The following TOP6BL variants were observed in gnomAD, a reference collection of about 807,000 sequenced individuals.
The protein encoded by TOP6BL is type 2 DNA topoisomerase 6 subunit B-like.
At chr11:66,843,060 C>T in the TOP6BL span, 5 of 1,568,592 alleles carry the variant, frequency 3.2e-6, no homozygotes, top group Non-Finnish European at 8.6e-7. Context: ...GCCTCGGAAG[C>T]CGCCTGGAGG....
At chr11:66,834,434 G>T in the TOP6BL span, among the ~76,000 whole-genome samples, 1 of 152,148 alleles carries the variant, frequency 6.6e-6, no homozygotes. Flanking sequence ...TACAAGAGTG[G>T]CACCCAGTGG....
the TOP6BL span, chr11:66,842,702 G>C: frequency 1.3e-6 from 1 of 780,268 alleles, no homozygotes; most frequent in Admixed American, 3.0e-5. Context: ...GCCCACAGCT[G>C]CAGGGTTTTG....
chr11:66,821,431 G>C, the TOP6BL span, among the ~76,000 whole-genome samples: 1 of 152,084 alleles, frequency 6.6e-6, no homozygotes, highest in African/African-American at 2.4e-5. Flanking sequence ...GGGACTACAG[G>C]TGCCCGCCAC....
chr11:66,824,420 T>TTTATTATTATTA, the TOP6BL span, among the ~76,000 whole-genome samples: 1 of 140,760 alleles, frequency 7.1e-6, no homozygotes, highest in African/African-American at 2.6e-5. Flanking sequence ...TAATTTTGTA[T>TTTATTATTATTA]TTATTATTAT....
the TOP6BL span, among the ~76,000 whole-genome samples, chr11:66,757,903 A>G: frequency 1.1e-4 from 16 of 152,160 alleles, no homozygotes; most frequent in Non-Finnish European, 2.4e-4. Context: ...TAAATTTCTA[A>G]TTTAATTTAG....
At chr11:66,812,584 GC>G in the TOP6BL span, among the ~76,000 whole-genome samples, 5 of 152,104 alleles carry the variant, frequency 3.3e-5, no homozygotes, top group East Asian at 9.6e-4. Context: ...TGGGTATAAA[GC>G]CTTTCCATAA....
chr11:66,836,847 T>C, the TOP6BL span, among the ~76,000 whole-genome samples: 2 of 150,622 alleles, frequency 1.3e-5, no homozygotes, highest in South Asian at 4.3e-4. Context: ...ATTACAGGTG[T>C]GCGCCACCAC....
At chr11:66,753,786 C>T in the TOP6BL span, among the ~76,000 whole-genome samples, 8 of 151,492 alleles carry the variant, frequency 5.3e-5, no homozygotes, top group African/African-American at 1.9e-4. Context: ...CTCACTGCAA[C>T]CTCCACCTCC....
At chr11:66,779,838 T>G in the TOP6BL span, among the ~76,000 whole-genome samples, 1 of 152,010 alleles carries the variant, frequency 6.6e-6, no homozygotes, top group Non-Finnish European at 1.5e-5. Context: ...CCATAAAAAA[T>G]GATGAGTTCA....
chr11:66,781,229 A>G, the TOP6BL span, among the ~76,000 whole-genome samples: 5 of 151,848 alleles, frequency 3.3e-5, no homozygotes, highest in Admixed American at 6.6e-5. Context: ...TTCTAAGACT[A>G]TTCATTTTTC....
At chr11:66,769,637 G>T in the TOP6BL span, among the ~76,000 whole-genome samples, 1 of 152,100 alleles carries the variant, frequency 6.6e-6, no homozygotes, top group East Asian at 1.9e-4. Flanking sequence ...AGTATTTGGA[G>T]ATGGGGCCTT....
the TOP6BL span, among the ~76,000 whole-genome samples, chr11:66,813,293 A>G: frequency 2.6e-5 from 4 of 152,304 alleles, no homozygotes; most frequent in African/African-American, 9.6e-5. Flanking sequence ...TTTCAAATCT[A>G]TGACCATGTG....
chr11:66,808,371 A>G, the TOP6BL span, among the ~76,000 whole-genome samples: 1 of 152,230 alleles, frequency 6.6e-6, no homozygotes, highest in Non-Finnish European at 1.5e-5. Flanking sequence ...CCCCATCTCT[A>G]TACAAGTTAC....
At chr11:66,771,013 T>G in the TOP6BL span, among the ~76,000 whole-genome samples, 1 of 152,132 alleles carries the variant, frequency 6.6e-6, no homozygotes, top group Admixed American at 6.5e-5. Context: ...TTCTAACTTC[T>G]TGGGGTTGTT....
At chr11:66,767,229 A>G in the TOP6BL span, among the ~76,000 whole-genome samples, 1 of 152,176 alleles carries the variant, frequency 6.6e-6, no homozygotes, top group Non-Finnish European at 1.5e-5. Context: ...TACATGTTAA[A>G]TGTGTGCTAC....
the TOP6BL span, among the ~76,000 whole-genome samples, chr11:66,754,614 C>A: frequency 6.6e-6 from 1 of 152,204 alleles, no homozygotes; most frequent in East Asian, 1.9e-4. Context: ...GGAACTTTCT[C>A]TTCTCTTCAA....
the TOP6BL span, among the ~76,000 whole-genome samples, chr11:66,807,766 A>G: frequency 6.6e-6 from 1 of 152,184 alleles, no homozygotes; most frequent in African/African-American, 2.4e-5. Context: ...ATACTTCCAA[A>G]TCAGTGCAGG....
At chr11:66,807,525 C>T in the TOP6BL span, among the ~76,000 whole-genome samples, 8 of 152,072 alleles carry the variant, frequency 5.3e-5, no homozygotes, top group Admixed American at 1.3e-4. Flanking sequence ...GAGCCGAGAT[C>T]GCGCCATTGC....
At chr11:66,809,883 T>C in the TOP6BL span, among the ~76,000 whole-genome samples, 1 of 152,162 alleles carries the variant, frequency 6.6e-6, no homozygotes, top group African/African-American at 2.4e-5. Flanking sequence ...TTTTTTTATT[T>C]TTATTTTTTG....
Sources: allele counts gnomAD v4.1 joint callset (sites outside exome capture counted in the v4.1 genomes callset), GRCh38; gene constraint gnomAD v4.1.1; transcripts MANE v1.5; gene names NCBI Gene and HGNC (gene_info 2026-07-23, HGNC 2026-07-21).